MMP26: variants seen among roughly 807,000 people sequenced by gnomAD.
The protein encoded by MMP26 is matrix metallopeptidase 26.
In MMP26, 33 loss-of-function variants were observed where a neutral mutation model predicts 31.0. The observed-to-expected ratio is 1.06, with a 90% CI of 0.81 to 1.42. The LOEUF (loss-of-function observed/expected upper bound fraction) is 1.42, where lower values mean the gene tolerates loss of function less well. MMP26 is among the 40% of genes most tolerant of loss of function. The pLI is 0.00. For synonymous variants in MMP26, 122 were observed against 114.9 expected (o/e 1.06, Z -0.40); for missense variants, 347 against 316.1 (o/e 1.10, Z -0.74).
chr11:4,765,657 G>A lies in MMP26; in HGVS notation c.-216-1613G>A, dbSNP rs147821933. 9.9e-4 allele frequency among the ~76,000 whole-genome samples: 150 copies of A among 152,264 alleles called. 1 individual carries two copies. Among genetic ancestry groups the A allele is most frequent in the Middle Eastern group, 3.4e-3 (1 of 294 alleles). On this transcript the variant is annotated intron_variant, in intron 1 of 7. Coordinates refer to ENST00000380390, the MANE Select transcript of MMP26 (RefSeq NM_021801.5). ...ATTATGTCAAGGCCTCCTCATATGC[G>A]TGGGTAGCCTGGCTTGCTGACTGCA...
intron 2 of MMP26, among the ~76,000 whole-genome samples, chr11:4,920,534 C>T (rs1851168322): frequency 6.6e-6 from 1 of 152,082 alleles, no homozygotes. Flanking sequence ...ACATGAGGCC[C>T]CAGATGTAAG....
intron 1 of MMP26, chr11:4,756,908 T>C (rs929987310): frequency 2.0e-5 from 3 of 151,944 alleles, no homozygotes; most frequent in Non-Finnish European, 4.4e-5. Flanking sequence ...CACATGTAAA[T>C]GGATTAGAAG....
intron 2 of MMP26, among the ~76,000 whole-genome samples, chr11:4,825,591 T>C (rs1419295457): frequency 6.6e-6 from 1 of 152,150 alleles, no homozygotes; most frequent in African/African-American, 2.4e-5. Flanking sequence ...TTAGATGTTT[T>C]AGGTAAAAAT....
intron 2 of MMP26, among the ~76,000 whole-genome samples, chr11:4,879,995 A>G (rs983127957): frequency 6.6e-6 from 1 of 152,104 alleles, no homozygotes; most frequent in Non-Finnish European, 1.5e-5. Flanking sequence ...GTCTTAGCAG[A>G]TATCTATTAC....
At chr11:4,807,308 C>T (rs1182590348) in intron 2 of MMP26, among the ~76,000 whole-genome samples, 1 of 150,808 alleles carries the variant, frequency 6.6e-6, no homozygotes. Context: ...TAAAAGCATT[C>T]CTATTTCTCC....
chr11:4,823,290 A>G (rs555153756), intron 2 of MMP26, among the ~76,000 whole-genome samples: 1 of 152,238 alleles, frequency 6.6e-6, no homozygotes, highest in African/African-American at 2.4e-5. Flanking sequence ...ACTTTCTTAC[A>G]TCTCTTCTAA....
intron 1 of MMP26, among the ~76,000 whole-genome samples, chr11:4,720,472 T>C (rs1209490895): frequency 2.0e-5 from 3 of 151,874 alleles, no homozygotes; most frequent in African/African-American, 2.4e-5. Flanking sequence ...GATTGAAAAA[T>C]AGAAATCACA....
intron 2 of MMP26, among the ~76,000 whole-genome samples, chr11:4,926,847 A>G (rs1851280209): frequency 6.6e-6 from 1 of 152,240 alleles, no homozygotes; most frequent in African/African-American, 2.4e-5. Flanking sequence ...AGCCTAGCAC[A>G]GATTTGGAAC....
At chr11:4,968,843 T>C (rs1846629473) in intron 2 of MMP26, among the ~76,000 whole-genome samples, 1 of 151,980 alleles carries the variant, frequency 6.6e-6, no homozygotes, top group Non-Finnish European at 1.5e-5. Context: ...CTTTGAAAAA[T>C]ATCCATGTGA....
intron 2 of MMP26, among the ~76,000 whole-genome samples, chr11:4,985,938 C>T (rs925230236): frequency 3.3e-5 from 5 of 152,146 alleles, no homozygotes; most frequent in African/African-American, 1.2e-4. Context: ...ATTAGCTTTC[C>T]TTGTTCTTGA....
chr11:4,918,481 G>C lies in MMP26; in HGVS notation c.-144-69587G>C, dbSNP rs138536394. On this transcript the variant is annotated intron_variant, in intron 2 of 7. Transcript: ENST00000380390. ...GAGGATAGGTTAGAGGAGGGGACTT[G>C]GAAATAAAATAAAATTCAGAATAAT... Among the ~76,000 whole-genome samples the C allele has an allele frequency of 1.1e-4, 16 of 152,152 alleles. No individual in the cohort carries two copies. The East Asian group carries it at 2.9e-3, about 28-fold the overall frequency.
At chr11:4,762,971 T>G (rs11033747) in intron 1 of MMP26, among the ~76,000 whole-genome samples, 15,635 of 152,246 alleles carry the variant, frequency 0.1, 898 homozygotes, top group Middle Eastern at 0.23. Flanking sequence ...AGGATTGGGA[T>G]TTAGTATCTT....
At chr11:4,860,365 A>G (rs751780567) in intron 2 of MMP26, 1 of 471,260 alleles carries the variant, frequency 2.1e-6, no homozygotes, top group Non-Finnish European at 4.4e-6. Context: ...GAGAGCCAAG[A>G]TAGAAAGGAA....
chr11:4,842,220 A>G (rs1045263929), intron 2 of MMP26, among the ~76,000 whole-genome samples: 1 of 152,226 alleles, frequency 6.6e-6, no homozygotes, highest in Non-Finnish European at 1.5e-5. Context: ...TGCAGTTTTT[A>G]TTGGTTTTCT....
At chr11:4,882,497 TG>T in intron 2 of MMP26, 1 of 1,613,982 alleles carries the variant, frequency 6.2e-7, no homozygotes, top group Non-Finnish European at 8.5e-7. Flanking sequence ...CAGCAGTTTT[TG>T]GGGACTGTTT....
intron 2 of MMP26, among the ~76,000 whole-genome samples, chr11:4,888,185 ATTG>A (rs1483886496): frequency 1.3e-5 from 2 of 152,188 alleles, no homozygotes; most frequent in Non-Finnish European, 2.9e-5. Flanking sequence ...ATAGCAGAAA[ATTG>A]TTAAGGTCTG....
At chr11:4,942,040 G>A (rs554052499) in intron 2 of MMP26, among the ~76,000 whole-genome samples, 53 of 134,034 alleles carry the variant, frequency 4.0e-4, no homozygotes, top group African/African-American at 1.2e-3. Context: ...AGTCAAGATC[G>A]TGCCACTGTG....
chr11:4,861,770 C>A (rs1850163963), intron 2 of MMP26, among the ~76,000 whole-genome samples: 1 of 152,056 alleles, frequency 6.6e-6, no homozygotes, highest in Non-Finnish European at 1.5e-5. Flanking sequence ...CCCATGAGTG[C>A]CGCCTTCTAA....
intron 2 of MMP26, chr11:4,769,036 G>C: frequency 2.0e-6 from 3 of 1,536,838 alleles, no homozygotes; most frequent in Non-Finnish European, 2.6e-6. Context: ...TTTTTACACT[G>C]TCGATGATGG....
Sources: gnomAD v4.1 joint callset for allele counts (sites outside exome capture counted in the v4.1 genomes callset) on GRCh38, gnomAD v4.1.1 for gene constraint, MANE v1.5 for transcripts, NCBI Gene and HGNC (gene_info 2026-07-23, HGNC 2026-07-21) for gene names.